The following PLA2G6 variants were observed in gnomAD, a reference collection of about 807,000 sequenced individuals.
The protein encoded by PLA2G6 is 85/88 kDa calcium-independent phospholipase A2.
PLA2G6 carries 62 observed loss-of-function variants against 83.8 expected under a neutral mutation model. The observed-to-expected ratio is 0.74, with a 90% CI of 0.60 to 0.91. The LOEUF is 0.91. Ranked by LOEUF, PLA2G6 falls within the 40% of genes least tolerant of loss-of-function variation. PLA2G6 has a pLI of 0.00. For synonymous variants in PLA2G6, 417 were observed against 449.8 expected, an observed-to-expected ratio of 0.93 and a Z score of 0.92; for missense variants, 944 against 1,102.0, an observed-to-expected ratio of 0.86 and a Z score of 2.03.
rs1311229648 is a variant in PLA2G6 at position 38,127,149 on chromosome 22, C to T, written c.1349-700G>A. The T allele has an allele frequency of 2.6e-6, 3 of 1,139,744 alleles. No individual in the cohort carries two copies. The South Asian group carries it at 5.7e-5, about 22-fold the overall frequency. The allele number at this position is 1,139,744 out of a possible 1,614,324, so 70.6% of individuals were successfully genotyped here. ...GCAGCCCGCGTGACCCCAACTCTGA[C>T]AGCCCCCCACCACTGTGCAGAGTCT... is the stretch of plus-strand genomic sequence containing the variant. On this transcript the variant is annotated intron_variant, in intron 9 of 16. Coordinates refer to ENST00000332509, the MANE Select transcript of PLA2G6 (RefSeq NM_003560.4).
chr22:38,126,446 A>G lies in PLA2G6; in HGVS notation c.1352T>C (p.Leu451Pro). 6.2e-7 allele frequency: 1 copy of G among 1,612,710 alleles called. No individual in the cohort carries two copies. Among genetic ancestry groups the G allele is most frequent in the Non-Finnish European group, 8.5e-7 (1 of 1,179,492 alleles). Residue 451 changes from leucine (L) to proline (P), a missense_variant, in exon 10 of 17, where the codon CTA (leucine) becomes CCA (proline). Transcript: ENST00000332509. ...CCGTGAGATGTGCATGAGATCCTGTAGTTCTGTGAGGCACAGAGCAGGGCA... is the reference window on the plus strand; with the variant it reads ...CCGTGAGATGTGCATGAGATCCTGTGGTTCTGTGAGGCACAGAGCAGGGCA... ...PPPISLNNLE[L>P]QDLMHISRAR...
intron 11 of PLA2G6, among the ~76,000 whole-genome samples, chr22:38,121,207 G>A (rs552054740): frequency 1.1e-4 from 17 of 151,996 alleles, no homozygotes; most frequent in Non-Finnish European, 1.9e-4. Flanking sequence ...GTGAAACCCC[G>A]TCTATTAAAA....
chr22:38,116,618 G>C (rs1029800230), intron 12 of PLA2G6, among the ~76,000 whole-genome samples: 1 of 152,112 alleles, frequency 6.6e-6, no homozygotes, highest in African/African-American at 2.4e-5. Flanking sequence ...ACTTTGGGAG[G>C]CCGAGGCAGG....
At chr22:38,137,911 G>A (rs1198299587) in intron 5 of PLA2G6, 1 of 152,302 alleles carries the variant, frequency 6.6e-6, no homozygotes, top group Non-Finnish European at 1.5e-5. Flanking sequence ...GGAACCACTT[G>A]TCAGTAACAC....
Position 38,143,210 on chromosome 22 carries a change from C to T in PLA2G6, c.504G>A (p.Leu168=), listed in dbSNP as rs777247382. ...LACRKGDGEI[L]VELVQYCHTQ... ...TGTGGCAGTACTGCACCAGCTCCAC[C>T]AGGATCTCCCCATCACCCTTGCGGC... The change falls in exon 4 of 17, where the codon CTG becomes CTA. Residue 168 remains leucine (L), a synonymous_variant. Coordinates refer to ENST00000332509, the MANE Select transcript of PLA2G6 (RefSeq NM_003560.4). The T allele has an allele frequency of 1.9e-6, 3 of 1,614,170 alleles. No homozygotes were observed. Among genetic ancestry groups the T allele is most frequent in the Non-Finnish European group, 2.5e-6 (3 of 1,180,016 alleles).
intron 2 of PLA2G6, among the ~76,000 whole-genome samples, chr22:38,151,388 A>C (rs2284064): frequency 0.4 from 60,071 of 151,792 alleles, 12,152 homozygotes; most frequent in South Asian, 0.49. Context: ...CAGGGACGTG[A>C]ACCACCACAC....
Position 38,127,548 on chromosome 22 carries a change from C to T in PLA2G6, c.1348+721G>A, listed in dbSNP as rs552881045. 3.0e-3 allele frequency: 2,525 copies of T among 845,250 alleles called. 5 individuals are homozygous for T. The highest frequency in any genetic ancestry group is 3.7e-3 in the Non-Finnish European group (2,126 of 570,664). 52.4% of individuals were successfully genotyped at this position (845,250 alleles called of 1,614,324 possible). A position where few individuals can be genotyped will look rare whatever the true frequency, so the allele number is the denominator to read the frequency against. On this transcript the variant is annotated intron_variant, in intron 9 of 16. Coordinates refer to ENST00000332509, the MANE Select transcript of PLA2G6 (RefSeq NM_003560.4). ...GAGCCAGGACTAGAAGCCACAGTCA[C>T]GGTGCCTCTCCAGAGTTCCAGGCTT...
chr22:38,128,496 G>A lies in PLA2G6; in HGVS notation c.1187-66C>T. ...AAATGATGTCAACATGCAAAGGAGA[G>A]GCCCCTCCTTTCCACACTCCGTCCC... On this transcript the variant is annotated intron_variant, in intron 8 of 16. Transcript: ENST00000332509. This position sits in a 1 kb window ranked among gnomAD's most constrained non-coding sequence, Gnocchi z 4.4. The A allele has an allele frequency of 6.4e-7, 1 of 1,555,964 alleles. No individual in the cohort carries two copies. Among genetic ancestry groups the A allele is most frequent in the Non-Finnish European group, 8.8e-7 (1 of 1,133,552 alleles).
intron 2 of PLA2G6, among the ~76,000 whole-genome samples, chr22:38,168,993 C>A (rs1447553442): frequency 6.6e-6 from 1 of 152,184 alleles, no homozygotes; most frequent in Non-Finnish European, 1.5e-5. Flanking sequence ...AGAAACAACC[C>A]AGGCTTCCAT....
intron 2 of PLA2G6, among the ~76,000 whole-genome samples, chr22:38,166,740 A>AATAC (rs921990306): frequency 1.4e-4 from 22 of 152,100 alleles, no homozygotes; most frequent in African/African-American, 5.1e-4. Context: ...CAAAAAAATA[A>AATAC]ATACATACAT....
chr22:38,113,347 T>C, intron 15 of PLA2G6, 140 bp downstream of exon 15: 1 of 841,688 alleles, frequency 1.2e-6, no homozygotes, highest in South Asian at 1.4e-5. Context: ...GTGGACTCTC[T>C]CTCCCTCCAG....
intron 2 of PLA2G6, among the ~76,000 whole-genome samples, chr22:38,167,527 GC>G (rs4377): frequency 0.12 from 17,595 of 152,216 alleles, 1,233 homozygotes; most frequent in African/African-American, 0.18. Context: ...AGCTGTGCCT[GC>G]AGTGGAGCTC....
chr22:38,127,511 G>A (rs2087937703), intron 9 of PLA2G6: 1 of 1,175,946 alleles, frequency 8.5e-7, no homozygotes, highest in African/African-American at 1.6e-5. Flanking sequence ...CCTGGGAGGG[G>A]AGAGAGAGGT....
At chr22:38,161,458 C>G (rs2090007321) in intron 2 of PLA2G6, among the ~76,000 whole-genome samples, 1 of 152,104 alleles carries the variant, frequency 6.6e-6, no homozygotes, top group African/African-American at 2.4e-5. Flanking sequence ...CCTCCTAATA[C>G]CATCACACGA....
At chr22:38,175,930 G>A (rs2090613893) in intron 1 of PLA2G6, among the ~76,000 whole-genome samples, 2 of 152,146 alleles carry the variant, frequency 1.3e-5, no homozygotes, top group African/African-American at 4.8e-5. Flanking sequence ...AAGCCCATGG[G>A]GCCAGCACCT....
In PLA2G6 at chr22:38,123,002, A is replaced by C; in HGVS notation, c.1591+93T>G. On this transcript the variant is annotated intron_variant, in intron 11 of 16. Transcript: ENST00000332509. This position sits in a 1 kb window ranked among gnomAD's most constrained non-coding sequence, Gnocchi z 4.1. ...GCTTATAGCCCTCCTCTACTCCTCCACTCTCTTTTTGCAAAGCCCTGAAGA... is the reference window on the plus strand; with the variant it reads ...GCTTATAGCCCTCCTCTACTCCTCCCCTCTCTTTTTGCAAAGCCCTGAAGA... 8.0e-7 allele frequency: 1 copy of C among 1,246,008 alleles called. No individual in the cohort carries two copies. Among genetic ancestry groups the C allele is most frequent in the Non-Finnish European group, 1.1e-6 (1 of 884,530 alleles). 77.2% of individuals were successfully genotyped at this position (1,246,008 alleles called of 1,614,324 possible).
At chr22:38,180,298 C>A (rs917677353) in intron 1 of PLA2G6, 4 of 152,150 alleles carry the variant, frequency 2.6e-5, no homozygotes, top group African/African-American at 4.8e-5. Flanking sequence ...ACGGAAGGAA[C>A]AAGAAGTGTC....
intron 12 of PLA2G6, among the ~76,000 whole-genome samples, chr22:38,117,072 G>T (rs192764832): frequency 4.6e-5 from 7 of 151,672 alleles, no homozygotes; most frequent in Admixed American, 2.6e-4. Flanking sequence ...AGGCCTAGAA[G>T]AATTTACTAT....
At chr22:38,129,386 C>T (rs2088066740) in intron 8 of PLA2G6, 68 bp downstream of exon 8, 1 of 1,103,512 alleles carries the variant, frequency 9.1e-7, no homozygotes, top group Non-Finnish European at 1.4e-6. Context: ...CTGGGACTTC[C>T]CTCCTCCTCG....
Sources: allele counts gnomAD v4.1 joint callset (sites outside exome capture counted in the v4.1 genomes callset), GRCh38; gene constraint gnomAD v4.1.1; non-coding constraint Gnocchi (gnomAD v3.1); transcripts MANE v1.5; gene names NCBI Gene and HGNC (gene_info 2026-07-23, HGNC 2026-07-21).